The following SASH1 variants were observed in gnomAD, a reference collection of about 807,000 sequenced individuals.
SASH1 encodes SAM and SH3 domain containing 1.
In SASH1, 44 loss-of-function variants were observed where a neutral mutation model predicts 125.2. The observed-to-expected ratio is 0.35, with a 90% CI of 0.28 to 0.45. The LOEUF (loss-of-function observed/expected upper bound fraction) is 0.45. SASH1 is among the 20% of genes least tolerant of loss of function. The pLI, the probability that SASH1 is intolerant of heterozygous loss-of-function variation, is 1.00. For missense variants in SASH1, 1,426 were observed against 1,614.5 expected (o/e 0.88, Z 2.00); for synonymous variants, 639 against 649.1 (o/e 0.98, Z 0.24).
chr6:148,400,819 G>A (rs1020314803), intron 2 of SASH1, among the ~76,000 whole-genome samples: 6 of 152,138 alleles, frequency 3.9e-5, no homozygotes, highest in African/African-American at 7.2e-5. Flanking sequence ...GGTTTCTCTC[G>A]CTCCCTCTCA....
At position 148,543,900 on chromosome 6, in the gene SASH1, C is replaced by A. The variant is rs755129570; in HGVS notation, c.2430C>A (p.Asn810Lys). The A allele has an allele frequency of 6.2e-7, 1 of 1,614,200 alleles. No homozygotes were observed. Among genetic ancestry groups the A allele is most frequent in the Non-Finnish European group, 8.5e-7 (1 of 1,180,030 alleles). Residue 810 changes from asparagine (N) to lysine (K), a missense_variant, in exon 18 of 20, where the codon AAC (asparagine) becomes AAA (lysine). Physicochemically the swap from Asn to Lys is moderately conservative, Grantham distance 94 (BLOSUM62 0). Coordinates refer to ENST00000367467, the MANE Select transcript of SASH1 (RefSeq NM_015278.5). ...CTGGTGTGACTGGTTTGAATAAAAA[C>A]CGAAGAAGCCTCCCAGTTTCCATCT... ...DPPGVTGLNK[N>K]RRSLPVSICR...
chr6:148,319,634 G>C (rs1460324456), intron 1 of SASH1, among the ~76,000 whole-genome samples: 2 of 151,306 alleles, frequency 1.3e-5, no homozygotes, highest in Admixed American at 6.6e-5. Context: ...CCAGCCTCAG[G>C]CTCCCGAGTA....
intron 1 of SASH1, among the ~76,000 whole-genome samples, chr6:148,374,308 T>C (rs1006523310): frequency 2.0e-5 from 3 of 151,956 alleles, no homozygotes; most frequent in Admixed American, 2.0e-4. Context: ...AGGAGGGGAG[T>C]AGGAATGTCC....
chr6:148,462,720 T>C (rs1777674274), intron 4 of SASH1, among the ~76,000 whole-genome samples: 1 of 152,178 alleles, frequency 6.6e-6, no homozygotes, highest in African/African-American at 2.4e-5. Context: ...CAGTATGTAA[T>C]GGTATCCCCT....
intron 8 of SASH1, among the ~76,000 whole-genome samples, chr6:148,505,634 GT>G (rs541914315): frequency 1.6e-4 from 23 of 141,356 alleles, no homozygotes; most frequent in Non-Finnish European, 2.2e-4. Context: ...TTTTGTTGTT[GT>G]TTTTTTTTTT....
intron 2 of SASH1, among the ~76,000 whole-genome samples, chr6:148,391,063 T>C (rs17078313): frequency 0.017 from 2,519 of 152,250 alleles, 35 homozygotes; most frequent in East Asian, 0.071. Context: ...TTCTAGTGTT[T>C]TTGTGGGCAT....
At chr6:148,204,176 T>C in the SASH1 span, among the ~76,000 whole-genome samples, 26 of 152,150 alleles carry the variant, frequency 1.7e-4, 1 homozygote, top group Non-Finnish European at 3.5e-4. Flanking sequence ...TAATGGAAAG[T>C]GTAGGGTAAC....
rs188780248 is a variant in SASH1, at chr6:148,345,188, G to A, written c.156+1965G>A. Among the ~76,000 whole-genome samples, 87 of 152,282 alleles carry A rather than the reference G, an allele frequency of 5.7e-4. 1 individual carries two copies. Among genetic ancestry groups the A allele is most frequent in the South Asian group, 4.6e-3 (22 of 4,828 alleles). ...TTGGGCTGGGGGCGGGGAGGATTGG[G>A]GGCCTGTTTAAATGAAACTTGGGCT... On this transcript the variant is annotated intron_variant, in intron 1 of 19. Coordinates refer to ENST00000367467, the MANE Select transcript of SASH1 (RefSeq NM_015278.5).
chr6:148,325,082 A>G lies in SASH1; in HGVS notation n.74+52705A>G, dbSNP rs140066331. Among the ~76,000 whole-genome samples the G allele has an allele frequency of 5.0e-3, 764 of 152,326 alleles. 5 individuals carry two copies. The highest frequency in any genetic ancestry group is 0.018 in the African/African-American group (736 of 41,578). On this transcript the variant is annotated intron_variant and non_coding_transcript_variant, in intron 1 of 3. Transcript: ENST00000367469. ...TGTATTAGTCCATTCTCACTCTGCT[A>G]TAAAGAACTACCCTAGACTGGGTAA...
chr6:148,206,882 C>G, the SASH1 span, among the ~76,000 whole-genome samples: 3 of 151,750 alleles, frequency 2.0e-5, no homozygotes, highest in African/African-American at 7.3e-5. Context: ...TGTTCATGTT[C>G]CACCCAGCTC....
chr6:148,425,385 A>C (rs998760790), intron 2 of SASH1, among the ~76,000 whole-genome samples: 1 of 152,164 alleles, frequency 6.6e-6, no homozygotes, highest in African/African-American at 2.4e-5. Context: ...TGTTGGCTGT[A>C]AAATGCTTAA....
At chr6:148,423,739 C>T (rs886320851) in intron 2 of SASH1, among the ~76,000 whole-genome samples, 1 of 152,120 alleles carries the variant, frequency 6.6e-6, no homozygotes, top group African/African-American at 2.4e-5. Flanking sequence ...GTACCCAGCA[C>T]GTCAACTGAG....
At chr6:148,493,224 C>T (rs1198117454) in intron 8 of SASH1, among the ~76,000 whole-genome samples, 1 of 152,220 alleles carries the variant, frequency 6.6e-6, no homozygotes, top group African/African-American at 2.4e-5. Context: ...CCACCATCAC[C>T]ACTGAAGTTT....
chr6:148,507,495 T>A (rs957340863), intron 8 of SASH1, among the ~76,000 whole-genome samples: 27 of 152,234 alleles, frequency 1.8e-4, no homozygotes, highest in African/African-American at 6.5e-4. Flanking sequence ...CCCAGCCTCC[T>A]GAGTAGCTGG....
chr6:148,238,883 A>G, the SASH1 span, among the ~76,000 whole-genome samples: 2 of 152,182 alleles, frequency 1.3e-5, no homozygotes, highest in South Asian at 4.1e-4. Context: ...AAGCTCAAAA[A>G]TAGCTCCCAA....
chr6:148,505,473 A>G (rs951327093), intron 8 of SASH1, among the ~76,000 whole-genome samples: 5 of 151,614 alleles, frequency 3.3e-5, no homozygotes, highest in African/African-American at 1.2e-4. Context: ...ACTATGCCTG[A>G]CTAATTTTTG....
chr6:148,401,471 TG>T (rs1562382324), intron 2 of SASH1, among the ~76,000 whole-genome samples: 2 of 152,138 alleles, frequency 1.3e-5, no homozygotes, highest in Non-Finnish European at 2.9e-5. Context: ...CAGGTCAATC[TG>T]TGTATTAGAA....
chr6:148,304,263 C>G (rs1161556337), intron 1 of SASH1, among the ~76,000 whole-genome samples: 1 of 152,000 alleles, frequency 6.6e-6, no homozygotes, highest in African/African-American at 2.4e-5. Flanking sequence ...ATGGTGAAAC[C>G]CTGTCTCTAC....
intron 1 of SASH1, among the ~76,000 whole-genome samples, chr6:148,273,264 TTTC>T (rs1196362735): frequency 3.3e-5 from 5 of 151,386 alleles, no homozygotes; most frequent in Admixed American, 2.6e-4. Context: ...TGTCTCTTCT[TTTC>T]TTCTTCTTTT....
Sources: allele counts gnomAD v4.1 joint callset (sites outside exome capture counted in the v4.1 genomes callset), GRCh38; gene constraint gnomAD v4.1.1; transcripts MANE v1.5; gene names NCBI Gene and HGNC (gene_info 2026-07-23, HGNC 2026-07-21).